Variants in COL4A5 observed in about 807,000 individuals in gnomAD.
COL4A5 encodes collagen alpha-5(IV) chain.
COL4A5 carries 26 observed loss-of-function variants against 130.2 expected under a neutral mutation model. That is an observed-to-expected ratio of 0.20 (90% CI 0.15 to 0.28). The LOEUF is 0.28. Ranked by LOEUF, COL4A5 falls within the 10% of genes least tolerant of loss-of-function variation. COL4A5 has a pLI of 1.00. For synonymous variants in COL4A5, 496 were observed against 439.6 expected (o/e 1.13, Z -1.60); for missense variants, 1,131 against 1,344.3 (o/e 0.84, Z 2.48).
chrX:108,453,704 G>T (rs1238877616), intron 1 of COL4A5, among the ~76,000 whole-genome samples: 1 of 111,642 alleles, frequency 9.0e-6, no homozygotes, highest in Non-Finnish European at 1.9e-5. Flanking sequence ...AGTGATTAAT[G>T]AAAGATGATA....
intron 1 of COL4A5, among the ~76,000 whole-genome samples, chrX:108,474,439 A>G (rs1283307929): frequency 8.9e-6 from 1 of 111,938 alleles, no homozygotes; most frequent in African/African-American, 3.2e-5. Flanking sequence ...AGATTATACT[A>G]TGTAGCGTAG....
chrX:108,505,640 G>T (rs1243590266), intron 1 of COL4A5, among the ~76,000 whole-genome samples: 1 of 111,808 alleles, frequency 8.9e-6, no homozygotes, highest in Non-Finnish European at 1.9e-5. Flanking sequence ...GACGCAGCAG[G>T]AAAGCAGGCA....
chrX:108,486,979 A>G (rs919614801), intron 1 of COL4A5, among the ~76,000 whole-genome samples: 1 of 112,176 alleles, frequency 8.9e-6, no homozygotes, highest in Non-Finnish European at 1.9e-5. Flanking sequence ...CTCTGGGTAG[A>G]TAACCAGTAG....
At chrX:108,582,591 G>C (rs1446652665) in intron 16 of COL4A5, 1 of 292,932 alleles carries the variant, frequency 3.4e-6, no homozygotes, top group African/African-American at 2.8e-5. Flanking sequence ...AGCTCTGAGA[G>C]GTGGTGGGAA....
intron 27 of COL4A5, among the ~76,000 whole-genome samples, chrX:108,602,586 C>T (rs1375445583): frequency 3.6e-5 from 4 of 111,978 alleles, no homozygotes; most frequent in Admixed American, 2.8e-4. Flanking sequence ...ATAATATCTG[C>T]AGTTATTTTT....
At chrX:108,593,988 C>T (rs2147803120) in intron 21 of COL4A5, among the ~76,000 whole-genome samples, 1 of 112,073 alleles carries the variant, frequency 8.9e-6, no homozygotes, top group South Asian at 3.7e-4. Context: ...TTGCCCATGA[C>T]TTCCAAATTT....
At chrX:108,472,796 A>T (rs983412449) in intron 1 of COL4A5, among the ~76,000 whole-genome samples, 2 of 111,930 alleles carry the variant, frequency 1.8e-5, no homozygotes, top group Non-Finnish European at 3.8e-5. Flanking sequence ...TAGTAGTGGG[A>T]TTGCCAGATC....
chrX:108,622,020 G>T (rs2067064002), intron 32 of COL4A5, 128 bp downstream of exon 32: 1 of 537,307 alleles, frequency 1.9e-6, no homozygotes, highest in Non-Finnish European at 3.3e-6. Flanking sequence ...TATGTAACAT[G>T]GCATTTAAAT....
intron 36 of COL4A5, among the ~76,000 whole-genome samples, chrX:108,649,683 G>T (rs887351299): frequency 2.7e-5 from 3 of 111,595 alleles, no homozygotes; most frequent in Non-Finnish European, 5.6e-5. Context: ...AACAAATGGT[G>T]CTCAGTTAAT....
At chrX:108,621,374 A>T (rs1431003652) in intron 31 of COL4A5, among the ~76,000 whole-genome samples, 2 of 108,915 alleles carry the variant, frequency 1.8e-5, no homozygotes, top group Non-Finnish European at 3.8e-5. Flanking sequence ...TATGTTGCCC[A>T]GGCTGCTCTC....
At chrX:108,449,145 A>G (rs1312818406) in intron 1 of COL4A5, among the ~76,000 whole-genome samples, 1 of 112,037 alleles carries the variant, frequency 8.9e-6, no homozygotes, top group African/African-American at 3.3e-5. Flanking sequence ...GAGTTAGTCC[A>G]GTCACTCACA....
At chrX:108,590,298 A>G (rs866052347) in intron 19 of COL4A5, among the ~76,000 whole-genome samples, 5 of 111,445 alleles carry the variant, frequency 4.5e-5, no homozygotes, top group East Asian at 2.8e-4. Flanking sequence ...GCAAACGTAC[A>G]AGAGAAAAAA....
chrX:108,669,321 T>C (rs1447340869), intron 41 of COL4A5, among the ~76,000 whole-genome samples: 1 of 112,435 alleles, frequency 8.9e-6, no homozygotes, highest in African/African-American at 3.2e-5. Flanking sequence ...AAATGTCCTT[T>C]TATTCTTTGA....
At chrX:108,567,654 C>T (rs149130484) in intron 4 of COL4A5, among the ~76,000 whole-genome samples, 483 of 111,585 alleles carry the variant, frequency 4.3e-3, no homozygotes, top group African/African-American at 5.6e-3. Context: ...CACATGGCTC[C>T]GGAGGCCTCA....
intron 29 of COL4A5, among the ~76,000 whole-genome samples, chrX:108,609,618 T>C (rs1316720390): frequency 8.9e-6 from 1 of 111,866 alleles, no homozygotes; most frequent in Non-Finnish European, 1.9e-5. Flanking sequence ...TCTTATATGA[T>C]TATAATTTTC....
chrX:108,549,974 G>A (rs755710535), intron 2 of COL4A5, among the ~76,000 whole-genome samples: 14 of 111,337 alleles, frequency 1.3e-4, no homozygotes, highest in Non-Finnish European at 1.9e-5. Flanking sequence ...AAATAAATGC[G>A]TGAGTGAAAG....
intron 1 of COL4A5, among the ~76,000 whole-genome samples, chrX:108,519,289 T>C (rs1281707273): frequency 9.0e-6 from 1 of 111,164 alleles, no homozygotes; most frequent in East Asian, 2.8e-4. Context: ...GTTAAAGGAA[T>C]ATCTTCTACA....
intron 4 of COL4A5, among the ~76,000 whole-genome samples, chrX:108,564,708 T>C (rs2065943706): frequency 8.9e-6 from 1 of 112,141 alleles, no homozygotes; most frequent in African/African-American, 3.2e-5. Context: ...TCTGAAATAC[T>C]GTGTTCATAG....
chrX:108,554,876 C>A (rs2065801688), intron 2 of COL4A5, among the ~76,000 whole-genome samples: 1 of 111,138 alleles, frequency 9.0e-6, no homozygotes, highest in Admixed American at 9.6e-5. Flanking sequence ...AACCACCCCC[C>A]AAAACAAACA....
Sources: allele counts gnomAD v4.1 joint callset (sites outside exome capture counted in the v4.1 genomes callset), GRCh38; gene constraint gnomAD v4.1.1; transcripts MANE v1.5; gene names NCBI Gene and HGNC (gene_info 2026-07-23, HGNC 2026-07-21).